C3orf70: variants seen among roughly 807,000 people sequenced by gnomAD.
The protein encoded by C3orf70 is chromosome 3 open reading frame 70.
Under a neutral mutation model 20.7 loss-of-function variants are expected in C3orf70, and 15 were observed. The ratio of observed to expected loss-of-function variants is 0.72; its 90% confidence interval spans 0.48 to 1.11. The LOEUF (loss-of-function observed/expected upper bound fraction) is 1.11, where lower values mean the gene tolerates loss of function less well. C3orf70 is among the 50% of genes most tolerant of loss of function. The probability of loss-of-function intolerance (pLI) is 0.00; values close to 1 mark genes in which losing one functional copy is unlikely to be tolerated. For synonymous variants in C3orf70, 161 were observed against 125.7 expected (o/e 1.28, Z -1.88); for missense variants, 332 against 317.6 (o/e 1.05, Z -0.34).
intron 1 of C3orf70, among the ~76,000 whole-genome samples, chr3:185,118,071 T>A (rs559883998): frequency 6.6e-6 from 1 of 152,328 alleles, no homozygotes; most frequent in East Asian, 1.9e-4. Flanking sequence ...ATTCTCTTCA[T>A]ATGCCTAAAA....
chr3:185,139,550 CA>C (rs35792284), intron 1 of C3orf70, among the ~76,000 whole-genome samples: 9,394 of 135,630 alleles, frequency 0.069, 342 homozygotes, highest in South Asian at 0.11. Flanking sequence ...AAGACTGTCT[CA>C]AAAAAAAAAA....
intron 1 of C3orf70, among the ~76,000 whole-genome samples, chr3:185,149,038 G>T: frequency 6.6e-6 from 1 of 152,060 alleles, no homozygotes; most frequent in Non-Finnish European, 1.5e-5. Context: ...CTCAGATTTG[G>T]CAAACAAACT....
intron 1 of C3orf70, among the ~76,000 whole-genome samples, chr3:185,140,969 C>CA (rs35570209): frequency 0.6 from 82,310 of 136,318 alleles, 25,141 homozygotes; most frequent in Non-Finnish European, 0.66. Context: ...CCCTTGTCAC[C>CA]AAAAAAAAAA....
chr3:185,111,734 G>C (rs966067271), intron 1 of C3orf70, among the ~76,000 whole-genome samples: 1 of 152,196 alleles, frequency 6.6e-6, no homozygotes, highest in Non-Finnish European at 1.5e-5. Context: ...AGTCCAGTCA[G>C]TAAGGACTAG....
At chr3:185,135,783 T>C (rs1024657978) in intron 1 of C3orf70, among the ~76,000 whole-genome samples, 1 of 151,406 alleles carries the variant, frequency 6.6e-6, no homozygotes, top group African/African-American at 2.4e-5. Context: ...ATGGTGTCAA[T>C]AAAAAATTAA....
chr3:185,097,844 C>G (rs924423559), intron 1 of C3orf70, among the ~76,000 whole-genome samples: 1 of 152,186 alleles, frequency 6.6e-6, no homozygotes, highest in African/African-American at 2.4e-5. Context: ...CTAAGACATT[C>G]GGCACTGGGT....
At chr3:185,148,658 C>T (rs1371943964) in intron 1 of C3orf70, among the ~76,000 whole-genome samples, 4 of 152,180 alleles carry the variant, frequency 2.6e-5, no homozygotes, top group Non-Finnish European at 5.9e-5. Context: ...AACCTTCACT[C>T]GTTAATTCAA....
intron 1 of C3orf70, among the ~76,000 whole-genome samples, chr3:185,100,141 G>A (rs756264159): frequency 1.6e-4 from 24 of 152,106 alleles, no homozygotes; most frequent in South Asian, 1.0e-3. Flanking sequence ...TTAGATCACC[G>A]AGGCAAAAAA....
rs1715358670 is a variant in C3orf70 at position 185,082,346 on chromosome 3, G to C, written c.*661C>G. On this transcript the variant is annotated 3_prime_UTR_variant, in exon 2 of 2. Coordinates refer to ENST00000335012, the MANE Select transcript of C3orf70 (RefSeq NM_001025266.3). The stretch of plus-strand genomic sequence containing the variant: ...GCTCAGCTAAGGCTGGATTGAGCAT[G>C]AGACAGATGAGGTCATCTCTTCTCA... The C allele has an allele frequency of 6.6e-6, 1 of 152,484 alleles. No individual in the cohort carries two copies. Among genetic ancestry groups the C allele is most frequent in the South Asian group, 2.1e-4 (1 of 4,836 alleles). The allele number at this position is 152,484 out of a possible 1,614,324, so 9.4% of individuals were successfully genotyped here. A position where few individuals can be genotyped will look rare whatever the true frequency, so the allele number is the denominator to read the frequency against.
At chr3:185,105,920 T>G (rs1343940312) in intron 1 of C3orf70, among the ~76,000 whole-genome samples, 5 of 152,162 alleles carry the variant, frequency 3.3e-5, no homozygotes, top group African/African-American at 7.2e-5. Flanking sequence ...ACACTGATGA[T>G]GAGGAGGAAG....
chr3:185,132,523 C>T (rs946231925), intron 1 of C3orf70, among the ~76,000 whole-genome samples: 8 of 151,182 alleles, frequency 5.3e-5, no homozygotes, highest in African/African-American at 1.9e-4. Flanking sequence ...GATCTGTGAA[C>T]AAAGCAGAAA....
Position 185,083,208 on chromosome 3 carries a change from G to C in C3orf70, c.552C>G (p.Pro184=). The C allele has an allele frequency of 2.5e-6, 4 of 1,614,178 alleles. No homozygotes were observed. The highest frequency in any genetic ancestry group is 3.4e-6 in the Non-Finnish European group (4 of 1,180,030). The part of the protein sequence containing the change: ...NTPKIDHCSS[P]SSSEDSGINA... ...TGATCCCAGAGTCCTCAGAACTTGA[G>C]GGAGAAGAGCAGTGATCTATTTTTG... The change falls in exon 2 of 2, where the codon CCC becomes CCG. Residue 184 remains proline, a synonymous_variant. Coordinates refer to ENST00000335012, the MANE Select transcript of C3orf70 (RefSeq NM_001025266.3).
intron 1 of C3orf70, among the ~76,000 whole-genome samples, chr3:185,123,636 ATCT>A (rs1716352711): frequency 6.6e-6 from 1 of 151,686 alleles, no homozygotes; most frequent in African/African-American, 2.4e-5. Flanking sequence ...CATGGTCCCC[ATCT>A]TTATGACCTA....
chr3:185,094,913 CAG>C (rs1715670640), intron 1 of C3orf70, among the ~76,000 whole-genome samples: 7 of 152,292 alleles, frequency 4.6e-5, no homozygotes, highest in African/African-American at 1.7e-4. Context: ...CGGCTGCTGA[CAG>C]GGCACACACA....
At chr3:185,139,209 A>C (rs1359592426) in intron 1 of C3orf70, among the ~76,000 whole-genome samples, 1 of 147,928 alleles carries the variant, frequency 6.8e-6, no homozygotes, top group Non-Finnish European at 1.5e-5. Flanking sequence ...GAGAAGAGGA[A>C]GAAGGGGCAA....
At chr3:185,123,582 C>G (rs1162223240) in intron 1 of C3orf70, among the ~76,000 whole-genome samples, 1 of 151,412 alleles carries the variant, frequency 6.6e-6, no homozygotes, top group East Asian at 1.9e-4. Context: ...TCAAGCGATC[C>G]TCCCCCTTCA....
intron 1 of C3orf70, among the ~76,000 whole-genome samples, chr3:185,086,990 G>A (rs1715471159): frequency 6.6e-6 from 1 of 152,130 alleles, no homozygotes; most frequent in African/African-American, 2.4e-5. Flanking sequence ...TTATATCCCT[G>A]GGGTATCCTA....
chr3:185,123,812 A>C (rs1181643435), intron 1 of C3orf70, among the ~76,000 whole-genome samples: 3 of 152,202 alleles, frequency 2.0e-5, no homozygotes, highest in African/African-American at 7.2e-5. Flanking sequence ...TTTCTCAAAT[A>C]AATCCCACTT....
chr3:185,083,838 T>C (rs1715405379), intron 1 of C3orf70, among the ~76,000 whole-genome samples: 1 of 152,216 alleles, frequency 6.6e-6, no homozygotes. Flanking sequence ...ACTATAATCC[T>C]TATTTTACAG....
Sources: allele counts gnomAD v4.1 joint callset (sites outside exome capture counted in the v4.1 genomes callset), GRCh38; gene constraint gnomAD v4.1.1; transcripts MANE v1.5; gene names NCBI Gene and HGNC (gene_info 2026-07-23, HGNC 2026-07-21).